The following MICU3 variants were observed in gnomAD, a reference collection of about 807,000 sequenced individuals.
The protein encoded by MICU3 is calcium uptake protein 3, mitochondrial.
MICU3 carries 62 observed loss-of-function variants against 66.5 expected under a neutral mutation model. That is an observed-to-expected ratio of 0.93 (90% CI 0.76 to 1.15). The LOEUF is 1.15. Ranked by LOEUF, MICU3 falls within the 50% of genes most tolerant of loss-of-function variation. The pLI is 0.00. For missense variants in MICU3, 779 were observed against 664.4 expected, an observed-to-expected ratio of 1.17 and a Z score of -1.90; for synonymous variants, 308 against 240.7, an observed-to-expected ratio of 1.28 and a Z score of -2.59.
In MICU3 at chr8:17,122,320, A is replaced by G. The variant is rs1803251968; in HGVS notation, c.*2033A>G. 6.6e-6 allele frequency: 1 copy of G among 151,882 alleles called. No homozygotes were observed. The highest frequency in any genetic ancestry group is 6.6e-5 in the Admixed American group (1 of 15,254). 9.4% of individuals were successfully genotyped at this position (151,882 alleles called of 1,614,324 possible). On this transcript the variant is annotated 3_prime_UTR_variant, in exon 15 of 15. Transcript: ENST00000318063. ...ATAAAATGAGAGATAAAAATATCTC[A>G]CTGAATTGTTACTTATATCAATTTA...
chr8:17,111,943 A>C (rs952228322), intron 11 of MICU3, among the ~76,000 whole-genome samples: 2 of 152,196 alleles, frequency 1.3e-5, no homozygotes, highest in Non-Finnish European at 2.9e-5. Context: ...GGCAAAGAAG[A>C]AGCAAGTACC....
At chr8:17,066,353 A>C (rs1818673953) in intron 2 of MICU3, among the ~76,000 whole-genome samples, 3 of 151,758 alleles carry the variant, frequency 2.0e-5, no homozygotes, top group Admixed American at 2.0e-4. Context: ...CGTAAGATAC[A>C]GAACCATCTC....
rs1801601787 is a variant in MICU3 at position 17,104,828 on chromosome 8, T to C, written c.1085+337T>C. On this transcript the variant is annotated intron_variant, in intron 10 of 14. Transcript: ENST00000318063. ...GGCTAACACGGTGAAACCCCGTCTC[T>C]ACTAAAAATACAAAAAATTAGCCGG... 2.4e-5 allele frequency among the ~76,000 whole-genome samples: 2 copies of C among 83,828 alleles called. 1 individual carries two copies. Among genetic ancestry groups the C allele is most frequent in the Non-Finnish European group, 4.0e-5 (2 of 49,430 alleles). The allele number at this position is 83,828 out of a possible 152,430, so 55.0% of individuals were successfully genotyped here. A position where few individuals can be genotyped will look rare whatever the true frequency, so the allele number is the denominator to read the frequency against.
intron 2 of MICU3, among the ~76,000 whole-genome samples, chr8:17,064,721 A>G (rs998755899): frequency 6.6e-6 from 1 of 152,166 alleles, no homozygotes. Flanking sequence ...CTTAATATCT[A>G]ACTTAACAGA....
intron 9 of MICU3, among the ~76,000 whole-genome samples, chr8:17,099,764 T>C (rs1470517529): frequency 6.6e-6 from 1 of 151,744 alleles, no homozygotes; most frequent in Admixed American, 6.6e-5. Flanking sequence ...CTGGGACTCT[T>C]AGAGTGCATA....
At chr8:17,029,514 G>A (rs898468285) in intron 1 of MICU3, among the ~76,000 whole-genome samples, 2 of 151,992 alleles carry the variant, frequency 1.3e-5, no homozygotes, top group African/African-American at 4.8e-5. Context: ...TATTTATTTT[G>A]TACTTTTGTG....
chr8:17,056,439 T>C (rs1444917823), intron 1 of MICU3, among the ~76,000 whole-genome samples: 1 of 152,242 alleles, frequency 6.6e-6, no homozygotes, highest in African/African-American at 2.4e-5. Context: ...CCTGCAGTCC[T>C]CCGTGTAGTG....
chr8:17,076,547 T>C (rs1282993378), intron 3 of MICU3, among the ~76,000 whole-genome samples: 1 of 152,172 alleles, frequency 6.6e-6, no homozygotes, highest in Non-Finnish European at 1.5e-5. Context: ...AATCCACATA[T>C]GGGCTTCAAG....
At chr8:17,084,848 C>A (rs1799293208) in intron 5 of MICU3, among the ~76,000 whole-genome samples, 1 of 151,864 alleles carries the variant, frequency 6.6e-6, no homozygotes, top group East Asian at 1.9e-4. Context: ...TTATAATTTT[C>A]CCAAGAATCG....
intron 14 of MICU3, among the ~76,000 whole-genome samples, chr8:17,119,550 T>C (rs897651004): frequency 3.4e-5 from 5 of 148,238 alleles, no homozygotes; most frequent in African/African-American, 1.2e-4. Flanking sequence ...GATAGATAGA[T>C]AGATAGATAG....
At chr8:17,078,631 T>C (rs1448312006) in intron 4 of MICU3, among the ~76,000 whole-genome samples, 1 of 152,112 alleles carries the variant, frequency 6.6e-6, no homozygotes, top group East Asian at 1.9e-4. Flanking sequence ...TCCCTTTTCA[T>C]CAATTTTAAC....
At chr8:17,054,096 T>A (rs1432693913) in intron 1 of MICU3, among the ~76,000 whole-genome samples, 1 of 152,224 alleles carries the variant, frequency 6.6e-6, no homozygotes, top group Non-Finnish European at 1.5e-5. Context: ...TCAGCAAAAT[T>A]TGCCACATCT....
chr8:17,111,954 T>C (rs1802239274), intron 11 of MICU3, among the ~76,000 whole-genome samples: 1 of 152,120 alleles, frequency 6.6e-6, no homozygotes, highest in African/African-American at 2.4e-5. Flanking sequence ...AGCAAGTACC[T>C]TCATCACAAG....
chr8:17,033,610 T>G (rs914359564), intron 1 of MICU3, among the ~76,000 whole-genome samples: 1 of 152,250 alleles, frequency 6.6e-6, no homozygotes, highest in East Asian at 1.9e-4. Context: ...CTAATTTTTT[T>G]GTATTTTTAG....
intron 7 of MICU3, among the ~76,000 whole-genome samples, chr8:17,088,527 T>A (rs865987814): frequency 1.5e-4 from 23 of 151,980 alleles, no homozygotes; most frequent in Admixed American, 4.6e-4. Context: ...AGGCAAGTTG[T>A]TAATAAAATA....
intron 8 of MICU3, among the ~76,000 whole-genome samples, chr8:17,096,770 G>A (rs988014825): frequency 6.6e-6 from 1 of 151,648 alleles, no homozygotes; most frequent in African/African-American, 2.4e-5. Context: ...TTGAAAAGTT[G>A]TATATTATCC....
chr8:17,103,500 G>A (rs192381846), intron 9 of MICU3, among the ~76,000 whole-genome samples: 1 of 151,886 alleles, frequency 6.6e-6, no homozygotes, highest in East Asian at 1.9e-4. Context: ...CTAGGATGAT[G>A]TGTAGGAGAG....
chr8:17,066,149 A>G (rs930451151), intron 2 of MICU3, among the ~76,000 whole-genome samples: 3 of 152,002 alleles, frequency 2.0e-5, no homozygotes, highest in Non-Finnish European at 4.4e-5. Flanking sequence ...GGTACAATGT[A>G]GATTCTTTAT....
At chr8:17,118,615 A>T in intron 13 of MICU3, 92 bp from the exon 14 acceptor site, 1 of 802,262 alleles carries the variant, frequency 1.2e-6, no homozygotes, top group Non-Finnish European at 2.1e-6. Flanking sequence ...CTCCACTTCT[A>T]TGAGTTTGAC....
Sources: gnomAD v4.1 joint callset for allele counts (sites outside exome capture counted in the v4.1 genomes callset) on GRCh38, gnomAD v4.1.1 for gene constraint, MANE v1.5 for transcripts, NCBI Gene and HGNC (gene_info 2026-07-23, HGNC 2026-07-21) for gene names.